Variants in RFTN2 observed in about 807,000 individuals in gnomAD.
RFTN2 encodes the protein raftlin-2.
Under a neutral mutation model 52.7 loss-of-function variants are expected in RFTN2, and 34 were observed. That is an observed-to-expected ratio of 0.64 (90% confidence interval 0.49 to 0.86). The LOEUF is 0.86. Among genes scored for constraint, RFTN2 ranks in the 40% least tolerant of loss-of-function variants. RFTN2 has a pLI of 0.00. For synonymous variants in RFTN2, 203 were observed against 217.7 expected, an observed-to-expected ratio of 0.93 and a Z score of 0.59; for missense variants, 536 against 600.1, an observed-to-expected ratio of 0.89 and a Z score of 1.12.
At chr2:197,621,662 G>T (rs1223724156) in intron 5 of RFTN2, among the ~76,000 whole-genome samples, 1 of 151,882 alleles carries the variant, frequency 6.6e-6, no homozygotes, top group Non-Finnish European at 1.5e-5. Flanking sequence ...ACTGATAAAC[G>T]TTGTGGGGGT....
In RFTN2 at chr2:197,576,040, G is replaced by T. The variant is rs546788018; in HGVS notation, c.1234-3760C>A. ...TTTGTTGTTGTTGAGACAGAGTCTT[G>T]TTCTGTTGTCTAGGCTGGAGTGCGG... On this transcript the variant is annotated intron_variant, in intron 8 of 8. Coordinates refer to ENST00000295049, the MANE Select transcript of RFTN2 (RefSeq NM_144629.3). Among the ~76,000 whole-genome samples, 4 of 151,600 alleles carry T rather than the reference G, an allele frequency of 2.6e-5. No individual in the cohort carries two copies. The East Asian group carries it at 7.8e-4, about 29-fold the overall frequency.
At position 197,629,700 on chromosome 2, in the gene RFTN2, A is replaced by T. The variant is rs1285766296; in HGVS notation, c.928+1311T>A. ...TACACACACACACACACACACACACATATTTATTTTATTTTATTTTATTTT... is the reference window on the plus strand; with the variant it reads ...TACACACACACACACACACACACACTTATTTATTTTATTTTATTTTATTTT... On this transcript the variant is annotated intron_variant, in intron 5 of 8. Coordinates refer to ENST00000295049, the MANE Select transcript of RFTN2 (RefSeq NM_144629.3). 7.4e-3 allele frequency among the ~76,000 whole-genome samples: 806 copies of T among 109,348 alleles called. 4 individuals carry two copies. Among genetic ancestry groups the T allele is most frequent in the Non-Finnish European group, 0.013 (617 of 46,712 alleles). The allele number at this position is 109,348 out of a possible 152,430, so 71.7% of individuals were successfully genotyped here. A position where few individuals can be genotyped will look rare whatever the true frequency, so the allele number is the denominator to read the frequency against.
At chr2:197,576,990 T>G (rs1239181165) in intron 8 of RFTN2, among the ~76,000 whole-genome samples, 1 of 152,200 alleles carries the variant, frequency 6.6e-6, no homozygotes, top group East Asian at 1.9e-4. Context: ...CTGAGATAAA[T>G]GGATATCTGA....
chr2:197,646,311 A>G (rs1354498836), intron 2 of RFTN2, among the ~76,000 whole-genome samples, 172 bp downstream of exon 2: 1 of 152,216 alleles, frequency 6.6e-6, no homozygotes, highest in Admixed American at 6.5e-5. Flanking sequence ...AGTTTTAAGG[A>G]AGGAGGTGTA....
intron 1 of RFTN2, among the ~76,000 whole-genome samples, chr2:197,647,426 T>A (rs1033556897): frequency 1.3e-5 from 2 of 152,134 alleles, no homozygotes; most frequent in Non-Finnish European, 2.9e-5. Flanking sequence ...CCCAGGCTGA[T>A]CTCAAACTCC....
chr2:197,622,919 C>G (rs1490157323), intron 5 of RFTN2, among the ~76,000 whole-genome samples: 3 of 152,174 alleles, frequency 2.0e-5, no homozygotes. Flanking sequence ...GCCCACTATT[C>G]AGACCTACTG....
At chr2:197,616,180 C>T (rs1028203662) in intron 6 of RFTN2, among the ~76,000 whole-genome samples, 10 of 152,042 alleles carry the variant, frequency 6.6e-5, no homozygotes, top group Non-Finnish European at 1.5e-4. Context: ...GTTTCCATCC[C>T]GTTGTCTGAA....
chr2:197,638,057 A>G (rs7421019), intron 3 of RFTN2, among the ~76,000 whole-genome samples: 150,220 of 150,956 alleles, frequency 1, 74,745 homozygotes, highest in Middle Eastern at 1. Context: ...CTTTGAGTGA[A>G]ATTCTTAATT....
intron 3 of RFTN2, among the ~76,000 whole-genome samples, chr2:197,641,647 T>C (rs768906981): frequency 6.6e-6 from 1 of 152,260 alleles, no homozygotes; most frequent in Non-Finnish European, 1.5e-5. Flanking sequence ...TTTAAAATTC[T>C]GAGAAAAATA....
intron 1 of RFTN2, 124 bp from the exon 2 acceptor site, chr2:197,646,790 G>A (rs922431408): frequency 5.3e-5 from 35 of 658,628 alleles, no homozygotes; most frequent in Middle Eastern, 4.6e-4. Flanking sequence ...TGGCACATGC[G>A]TGTAATCCCA....
intron 3 of RFTN2, among the ~76,000 whole-genome samples, chr2:197,636,998 CAT>C (rs2088578312): frequency 6.6e-6 from 1 of 152,036 alleles, no homozygotes; most frequent in Admixed American, 6.6e-5. Context: ...TTGAGATAAT[CAT>C]GTGGTTTTTG....
chr2:197,597,000 C>T (rs542461886), intron 7 of RFTN2, among the ~76,000 whole-genome samples: 4 of 152,204 alleles, frequency 2.6e-5, no homozygotes, highest in African/African-American at 7.2e-5. Context: ...TGCTCAGTTA[C>T]GACTTTTATT....
chr2:197,590,891 G>T (rs1423035740), intron 8 of RFTN2, among the ~76,000 whole-genome samples: 1 of 152,150 alleles, frequency 6.6e-6, no homozygotes, highest in Admixed American at 6.5e-5. Flanking sequence ...GGGAGCAGCA[G>T]CACAATTTAT....
At chr2:197,576,353 A>G (rs1260318087) in intron 8 of RFTN2, among the ~76,000 whole-genome samples, 1 of 152,128 alleles carries the variant, frequency 6.6e-6, no homozygotes, top group East Asian at 1.9e-4. Flanking sequence ...AATACTGATA[A>G]CATGGCAGAT....
At chr2:197,671,826 A>T (rs1207478710) in intron 1 of RFTN2, among the ~76,000 whole-genome samples, 6 of 152,114 alleles carry the variant, frequency 3.9e-5, no homozygotes, top group Admixed American at 2.6e-4. Context: ...GTATTGTAGA[A>T]CCTCTTTTTA....
chr2:197,643,347 C>T (rs1429392417), intron 3 of RFTN2, among the ~76,000 whole-genome samples: 1 of 152,172 alleles, frequency 6.6e-6, no homozygotes, highest in Admixed American at 6.5e-5. Flanking sequence ...CCTGCCTCGG[C>T]CTCCAAAAGT....
At chr2:197,610,974 T>C (rs1377568328) in intron 7 of RFTN2, among the ~76,000 whole-genome samples, 1 of 152,222 alleles carries the variant, frequency 6.6e-6, no homozygotes. Flanking sequence ...GACTTGATTG[T>C]GGTGGATAAG....
chr2:197,615,417 A>G (rs1167838438), intron 7 of RFTN2, among the ~76,000 whole-genome samples: 1 of 152,254 alleles, frequency 6.6e-6, no homozygotes, highest in African/African-American at 2.4e-5. Context: ...CAAAAAAGTA[A>G]GATTCAATTT....
At position 197,646,653 on chromosome 2, in the gene RFTN2, T is replaced by C; in HGVS notation, c.153A>G (p.Pro51=). 6.2e-7 allele frequency: 1 copy of C among 1,610,748 alleles called. No individual in the cohort carries two copies. Among genetic ancestry groups the C allele is most frequent in the Non-Finnish European group, 8.5e-7 (1 of 1,177,956 alleles). Residue 51 remains proline (P), a synonymous_variant, in exon 2 of 9, where the codon CCA becomes CCG. Transcript: ENST00000295049. ...LDFTLQASSN[P]EVIKINSILD... is the part of the protein sequence containing the mutation. ...GAATTGAATTTATCTTGATGACTTC[T>C]GGGTTTGATGAAGCTGAAATATCAA...
Sources: allele counts gnomAD v4.1 joint callset (sites outside exome capture counted in the v4.1 genomes callset), GRCh38; gene constraint gnomAD v4.1.1; transcripts MANE v1.5; gene names NCBI Gene and HGNC (gene_info 2026-07-23, HGNC 2026-07-21).